The following UPF1 variants were observed in gnomAD, a reference collection of about 807,000 sequenced individuals.
UPF1 encodes UPF1 RNA helicase and ATPase, also known as regulator of nonsense transcripts 1.
A neutral mutation model predicts 129.2 loss-of-function variants in UPF1; 9 were observed. The ratio of observed to expected loss-of-function variants is 0.07; its 90% CI spans 0.04 to 0.12. UPF1 has a LOEUF of 0.12. UPF1 is among the 10% of genes least tolerant of loss of function. UPF1 has a pLI of 1.00. For synonymous variants in UPF1, 649 were observed against 644.9 expected, an observed-to-expected ratio of 1.01 and a Z score of -0.10; for missense variants, 788 against 1,525.3, an observed-to-expected ratio of 0.52 and a Z score of 8.05.
chr19:18,862,268 A>G, intron 18 of UPF1, 116 bp downstream of exon 18: 1 of 1,468,654 alleles, frequency 6.8e-7, no homozygotes, highest in Admixed American at 2.2e-5. Context: ...TCTGAGCAGC[A>G]GTTGAGAAAC....
In UPF1 at chr19:18,867,947, T is replaced by C. The variant is rs1215242489; in HGVS notation, c.*1430T>C. 1 of 152,874 alleles carries C rather than the reference T, an allele frequency of 6.5e-6. No homozygotes were observed. The highest frequency in any genetic ancestry group is 1.5e-5 in the Non-Finnish European group (1 of 68,500). The allele number at this position is 152,874 out of a possible 1,614,324, so 9.5% of individuals were successfully genotyped here. A position where few individuals can be genotyped will look rare whatever the true frequency, so the allele number is the denominator to read the frequency against. On this transcript the variant is annotated 3_prime_UTR_variant, in exon 24 of 24. Transcript: ENST00000262803. Reference sequence around the variant, plus strand: ...GGCAGGGACTCTTATTTATTCCCATTGCTCTAGGGCTTTCGGTTTCCCCTT... The same window carrying C: ...GGCAGGGACTCTTATTTATTCCCATCGCTCTAGGGCTTTCGGTTTCCCCTT...
At chr19:18,837,167 G>A (rs1230669154) in intron 1 of UPF1, among the ~76,000 whole-genome samples, 2 of 151,988 alleles carry the variant, frequency 1.3e-5, no homozygotes, top group African/African-American at 2.4e-5. Context: ...ATGGGTCACT[G>A]CAGCCTCGAC....
At chr19:18,842,642 G>T (rs1416157457) in intron 1 of UPF1, among the ~76,000 whole-genome samples, 1 of 152,110 alleles carries the variant, frequency 6.6e-6, no homozygotes, top group East Asian at 1.9e-4. Flanking sequence ...TCATCACTCT[G>T]AGGGTGTGGT....
intron 16 of UPF1, 151 bp downstream of exon 16, chr19:18,860,589 T>C (rs1247101286): frequency 2.1e-6 from 2 of 936,614 alleles, no homozygotes; most frequent in Non-Finnish European, 3.2e-6. Context: ...GTGTTGTTTC[T>C]GCCTCCTTTT....
intron 1 of UPF1, among the ~76,000 whole-genome samples, chr19:18,843,871 G>A (rs530569469): frequency 6.6e-6 from 1 of 152,080 alleles, no homozygotes; most frequent in African/African-American, 2.4e-5. Context: ...TCAACCTCCT[G>A]ATTAGCTGGG....
chr19:18,846,541 G>T (rs1330300185), intron 2 of UPF1, among the ~76,000 whole-genome samples: 2 of 152,108 alleles, frequency 1.3e-5, no homozygotes, highest in African/African-American at 4.8e-5. Context: ...CGCTGCCTTG[G>T]CCGTGCCTGG....
rs565912810 is a variant in UPF1 at position 18,856,105 on chromosome 19, A to T, written c.1709+16A>T. The T allele has an allele frequency of 5.5e-5, 88 of 1,611,116 alleles. No homozygotes were observed. The East Asian group carries it at 1.6e-3, about 29-fold the overall frequency. On this transcript the variant is annotated intron_variant, in intron 12 of 23. Coordinates refer to ENST00000262803, the MANE Select transcript of UPF1 (RefSeq NM_002911.4). ...ACATGGACAGGTGTGTGTCGAGTCC[A>T]TCCCTCCCAGTTGGTCCCTGAGCTT...
At chr19:18,840,494 G>C (rs1422876044) in intron 1 of UPF1, among the ~76,000 whole-genome samples, 1 of 152,182 alleles carries the variant, frequency 6.6e-6, no homozygotes, top group Non-Finnish European at 1.5e-5. Flanking sequence ...CTGGGCAGCA[G>C]CTCACAACTG....
At chr19:18,863,242 C>A in intron 18 of UPF1, 196 bp from the exon 19 acceptor site, 1 of 650,456 alleles carries the variant, frequency 1.5e-6, no homozygotes, top group Non-Finnish European at 2.6e-6. Flanking sequence ...GCCACAAAAT[C>A]AACCCGTGTG....
At chr19:18,859,602 C>G (rs1039409720) in intron 15 of UPF1, 3 of 152,280 alleles carry the variant, frequency 2.0e-5, no homozygotes, top group African/African-American at 7.2e-5. Context: ...ATGATGTGTC[C>G]TGGCGTGTCT....
intron 11 of UPF1, 135 bp from the exon 12 acceptor site, chr19:18,855,790 A>G (rs996032224): frequency 1.1e-4 from 137 of 1,263,140 alleles, no homozygotes; most frequent in Admixed American, 1.4e-4. Flanking sequence ...TGAGGCTGCA[A>G]TTAGCTGAGA....
In UPF1 at chr19:18,852,759, G is replaced by A. The variant is rs569430714; in HGVS notation, c.973-228G>A. Among the ~76,000 whole-genome samples, 5 of 151,920 alleles carry A rather than the reference G, an allele frequency of 3.3e-5. No homozygotes were observed. In the East Asian group the frequency reaches 7.8e-4, roughly 24 times the overall value. On this transcript the variant is annotated intron_variant, in intron 6 of 23. Coordinates refer to ENST00000262803, the MANE Select transcript of UPF1 (RefSeq NM_002911.4). ...CTGGCCACGGAGGCCTCTGGTGTGC[G>A]GTGAAGCCTCCAGACGGGATTGGCC...
At chr19:18,845,612 G>A (rs2055588289) in intron 1 of UPF1, among the ~76,000 whole-genome samples, 1 of 152,152 alleles carries the variant, frequency 6.6e-6, no homozygotes, top group South Asian at 2.1e-4. Context: ...TGGTGGGTCT[G>A]GCATCATGAA....
At chr19:18,854,740 C>T in intron 9 of UPF1, 31 bp downstream of exon 9, 2 of 1,608,134 alleles carry the variant, frequency 1.2e-6, no homozygotes, top group East Asian at 2.2e-5. Flanking sequence ...GCCCCCTGTT[C>T]CCTGGTTGCC....
Position 18,865,421 on chromosome 19 carries a change from A to T in UPF1, c.2990A>T (p.Tyr997Phe), listed in dbSNP as rs935327634. The T allele has an allele frequency of 6.2e-7, 1 of 1,613,766 alleles. No individual in the cohort carries two copies. The highest frequency in any genetic ancestry group is 1.3e-5 in the African/African-American group (1 of 74,926). The change falls in exon 21 of 24, where the codon TAT becomes TTT. Residue 997 changes from tyrosine to phenylalanine, a missense_variant. By Grantham distance (22) the Tyr-to-Phe change is conservative (BLOSUM62 3). Coordinates refer to ENST00000262803, the MANE Select transcript of UPF1 (RefSeq NM_002911.4). This position sits in a 1 kb window ranked among gnomAD's most constrained non-coding sequence, Gnocchi z 6.1. Reference sequence around the variant, plus strand: ...ATGCCACCCATGCCACCGCCTGGCTATTTTGGACAAGCCAACGGGCCTGCT... The same window carrying T: ...ATGCCACCCATGCCACCGCCTGGCTTTTTTGGACAAGCCAACGGGCCTGCT... ...LVMPPMPPPG[Y>F]FGQANGPAAG...
rs1391916343 is a variant in UPF1 at position 18,850,966 on chromosome 19, G to A, written c.810+98G>A. ...ACGGCTTGACCCAGTGAGACCGCTG[G>A]AGATTCTCTGAAAGGAATTCAGGCA... On this transcript the variant is annotated intron_variant, in intron 5 of 23. Transcript: ENST00000262803. This position sits in a 1 kb window ranked among gnomAD's most constrained non-coding sequence, Gnocchi z 7.1. 6 of 1,378,360 alleles carry A rather than the reference G, an allele frequency of 4.4e-6. No individual in the cohort carries two copies. The highest frequency in any genetic ancestry group is 1.5e-5 in the African/African-American group (1 of 68,278). 85.4% of individuals were successfully genotyped at this position (1,378,360 alleles called of 1,614,324 possible). A position where few individuals can be genotyped will look rare whatever the true frequency, so the allele number is the denominator to read the frequency against.
Position 18,861,880 on chromosome 19 carries a change from G to A in UPF1, c.2458-130G>A, listed in dbSNP as rs1473697122. On this transcript the variant is annotated intron_variant, in intron 17 of 23. Transcript: ENST00000262803. ...AGCAGAGCCAGGACAGCCCCTAGGT[G>A]CGGTGAGCAGGCGCCAGGCCCCAAG... 2.5e-6 allele frequency: 3 copies of A among 1,224,218 alleles called. No homozygotes were observed. In the East Asian group the frequency reaches 7.6e-5, roughly 31 times the overall value. 75.8% of individuals were successfully genotyped at this position (1,224,218 alleles called of 1,614,324 possible).
Position 18,853,617 on chromosome 19 carries a change from G to A in UPF1, c.1156+267G>A, listed in dbSNP as rs1398189570. On this transcript the variant is annotated intron_variant, in intron 8 of 23. Coordinates refer to ENST00000262803, the MANE Select transcript of UPF1 (RefSeq NM_002911.4). This position sits in a 1 kb window ranked among gnomAD's most constrained non-coding sequence, Gnocchi z 4.4. Reference sequence around the variant, plus strand: ...TGTGGCGCGTCCCTGGGCTGACTCTGGAAGTTAATGTATGCCGCTTGTGTG... The same window carrying A: ...TGTGGCGCGTCCCTGGGCTGACTCTAGAAGTTAATGTATGCCGCTTGTGTG... Among the ~76,000 whole-genome samples the A allele has an allele frequency of 6.6e-6, 1 of 152,216 alleles. No homozygotes were observed. The highest frequency in any genetic ancestry group is 1.5e-5 in the Non-Finnish European group (1 of 68,036).
intron 13 of UPF1, 110 bp downstream of exon 13, chr19:18,856,410 T>C: frequency 9.4e-7 from 1 of 1,061,494 alleles, no homozygotes; most frequent in Non-Finnish European, 1.3e-6. Flanking sequence ...AAAGAGAACT[T>C]AGATGCTCTC....
Sources: gnomAD v4.1 joint callset for allele counts (sites outside exome capture counted in the v4.1 genomes callset) on GRCh38, gnomAD v4.1.1 for gene constraint, Gnocchi (gnomAD v3.1) non-coding constraint, MANE v1.5 for transcripts, NCBI Gene and HGNC (gene_info 2026-07-23, HGNC 2026-07-21) for gene names.